ULK4: variants seen among roughly 807,000 people sequenced by gnomAD.
The protein encoded by ULK4 is unc-51 like kinase 4, also known as inactive serine/threonine-protein kinase ULK4.
A neutral mutation model predicts 160.6 loss-of-function variants in ULK4; 133 were observed. The ratio of observed to expected loss-of-function variants is 0.83; its 90% CI spans 0.72 to 0.96. The LOEUF is 0.96. Among genes scored for constraint, ULK4 ranks in the 40% least tolerant of loss-of-function variants. The pLI is 0.00. For missense variants in ULK4, 1,580 were observed against 1,499.5 expected (o/e 1.05, Z -0.89); for synonymous variants, 534 against 539.8 (o/e 0.99, Z 0.15).
chr3:41,474,140 T>C (rs1284486023), intron 32 of ULK4, among the ~76,000 whole-genome samples: 2 of 152,102 alleles, frequency 1.3e-5, no homozygotes, highest in Non-Finnish European at 2.9e-5. Flanking sequence ...TTAAAAAGCA[T>C]GGTACTGGCA....
intron 22 of ULK4, among the ~76,000 whole-genome samples, chr3:41,752,517 A>T (rs2038664277): frequency 6.6e-6 from 1 of 152,104 alleles, no homozygotes; most frequent in Non-Finnish European, 1.5e-5. Context: ...GAGGTTTGTT[A>T]GGAAATTCCA....
At chr3:41,491,387 C>A (rs190611614) in intron 32 of ULK4, among the ~76,000 whole-genome samples, 1 of 151,940 alleles carries the variant, frequency 6.6e-6, no homozygotes, top group Non-Finnish European at 1.5e-5. Context: ...ACAATGACCA[C>A]GACCATATAT....
chr3:41,254,990 T>C (rs1445565612), intron 35 of ULK4, among the ~76,000 whole-genome samples: 1 of 151,964 alleles, frequency 6.6e-6, no homozygotes, highest in Non-Finnish European at 1.5e-5. Flanking sequence ...GTGGTAAATG[T>C]AGGCCCTAAA....
chr3:41,803,222 G>A (rs1457746795), intron 19 of ULK4, among the ~76,000 whole-genome samples: 1 of 151,272 alleles, frequency 6.6e-6, no homozygotes, highest in East Asian at 1.9e-4. Flanking sequence ...TATAAAGGCA[G>A]GAAGGACATT....
intron 18 of ULK4, among the ~76,000 whole-genome samples, chr3:41,830,152 A>T (rs563379808): frequency 6.6e-6 from 1 of 152,068 alleles, no homozygotes; most frequent in Non-Finnish European, 1.5e-5. Flanking sequence ...GTTGTGGGGT[A>T]GGGGGAGTGG....
chr3:41,751,839 T>C (rs1244789121), intron 22 of ULK4, among the ~76,000 whole-genome samples: 2 of 152,138 alleles, frequency 1.3e-5, no homozygotes. Flanking sequence ...GAAGAGATCA[T>C]AGGCACAGGA....
chr3:41,480,443 T>G (rs1342016270), intron 32 of ULK4, among the ~76,000 whole-genome samples: 2 of 152,088 alleles, frequency 1.3e-5, no homozygotes, highest in African/African-American at 4.8e-5. Context: ...TTGAATGCAA[T>G]TTTCTTCTGC....
At chr3:41,458,943 A>G (rs185791218) in intron 33 of ULK4, among the ~76,000 whole-genome samples, 19 of 152,120 alleles carry the variant, frequency 1.2e-4, no homozygotes, top group Admixed American at 4.6e-4. Flanking sequence ...TTTAATAGAG[A>G]CAGGGTTTCA....
At chr3:41,652,583 A>C (rs2034783793) in intron 30 of ULK4, among the ~76,000 whole-genome samples, 1 of 152,212 alleles carries the variant, frequency 6.6e-6, no homozygotes, top group African/African-American at 2.4e-5. Flanking sequence ...GGCTGAACTG[A>C]ACAAGGATAT....
intron 35 of ULK4, among the ~76,000 whole-genome samples, chr3:41,397,176 A>C (rs2082080555): frequency 6.6e-6 from 1 of 152,178 alleles, no homozygotes; most frequent in African/African-American, 2.4e-5. Flanking sequence ...TACTGTAAAT[A>C]GTGGCCTTCA....
chr3:41,426,692 G>A (rs1003290252), intron 34 of ULK4, among the ~76,000 whole-genome samples: 7 of 152,070 alleles, frequency 4.6e-5, no homozygotes, highest in African/African-American at 1.4e-4. Context: ...AGTTAAGACA[G>A]AAATCAATAA....
chr3:41,860,809 A>G (rs2042482882), intron 17 of ULK4, among the ~76,000 whole-genome samples: 1 of 151,666 alleles, frequency 6.6e-6, no homozygotes, highest in Admixed American at 6.6e-5. Context: ...TTTCTTTCCT[A>G]TCCTCCACTA....
At chr3:41,414,760 T>C (rs1306186965) in intron 34 of ULK4, among the ~76,000 whole-genome samples, 1 of 152,294 alleles carries the variant, frequency 6.6e-6, no homozygotes, top group East Asian at 1.9e-4. Context: ...GAAAATATCA[T>C]TAAGCTGATG....
rs138662872 is a variant in ULK4, at chr3:41,375,356, G to A, written c.3678+22723C>T. ...CCTAAGCAAAAAGAACAAAGCTGGAGGCATCACACTACCTGACTTCAAACT... is the reference window on the plus strand; with the variant it reads ...CCTAAGCAAAAAGAACAAAGCTGGAAGCATCACACTACCTGACTTCAAACT... On this transcript the variant is annotated intron_variant, in intron 35 of 36. Transcript: ENST00000301831. 6.2e-3 allele frequency among the ~76,000 whole-genome samples: 938 copies of A among 151,330 alleles called. 10 individuals carry two copies. The highest frequency in any genetic ancestry group is 0.022 in the African/African-American group (904 of 41,000).
At chr3:41,901,479 C>CTTTTTGTTTTTTTTTTTTTTTT (rs1698359555) in intron 12 of ULK4, among the ~76,000 whole-genome samples, 1 of 22,526 alleles carries the variant, frequency 4.4e-5, no homozygotes, top group Non-Finnish European at 1.7e-4. Context: ...CACGCCCAGC[C>CTTTTTGTTTTTTTTTTTTTTTT]TTTTTTTTTT....
At chr3:41,688,939 C>T (rs2125802401) in intron 27 of ULK4, among the ~76,000 whole-genome samples, 1 of 152,344 alleles carries the variant, frequency 6.6e-6, no homozygotes, top group African/African-American at 2.4e-5. Flanking sequence ...ACCACAACCT[C>T]TGTAGCCATT....
chr3:41,712,397 CA>C (rs1048307173), intron 25 of ULK4, among the ~76,000 whole-genome samples: 9 of 152,298 alleles, frequency 5.9e-5, no homozygotes, highest in African/African-American at 2.2e-4. Flanking sequence ...AGAGCTGCCT[CA>C]GGGGAAGCCA....
intron 35 of ULK4, among the ~76,000 whole-genome samples, chr3:41,283,203 G>C (rs1315665754): frequency 6.6e-6 from 1 of 152,204 alleles, no homozygotes; most frequent in African/African-American, 2.4e-5. Context: ...GTTGGTGGGA[G>C]TGTAAATTAG....
At chr3:41,587,799 T>C (rs1264623951) in intron 31 of ULK4, among the ~76,000 whole-genome samples, 2 of 152,202 alleles carry the variant, frequency 1.3e-5, no homozygotes, top group Non-Finnish European at 2.9e-5. Context: ...ATGTCACAGA[T>C]AAAAGCTTTA....
Sources: gnomAD v4.1 joint callset for allele counts (sites outside exome capture counted in the v4.1 genomes callset) on GRCh38, gnomAD v4.1.1 for gene constraint, MANE v1.5 for transcripts, NCBI Gene and HGNC (gene_info 2026-07-23, HGNC 2026-07-21) for gene names.